LPP: variants seen among roughly 807,000 people sequenced by gnomAD.
LPP encodes the protein LIM domain containing preferred translocation partner in lipoma.
LPP carries 38 observed loss-of-function variants against 60.4 expected under a neutral mutation model. The observed-to-expected ratio is 0.63, with a 90% CI of 0.49 to 0.83. The LOEUF (loss-of-function observed/expected upper bound fraction) is 0.83. LPP is among the 40% of genes least tolerant of loss of function. The probability of loss-of-function intolerance (pLI) is 0.00; values close to 1 mark genes in which losing one functional copy is unlikely to be tolerated. For missense variants in LPP, 902 were observed against 783.6 expected (o/e 1.15, Z -1.80); for synonymous variants, 328 against 290.8 (o/e 1.13, Z -1.30).
chr3:188,562,682 C>G (rs757581096), intron 6 of LPP, among the ~76,000 whole-genome samples: 1 of 151,970 alleles, frequency 6.6e-6, no homozygotes, highest in Non-Finnish European at 1.5e-5. Context: ...CCTTTTCTCT[C>G]CCCTTCATGT....
intron 1 of LPP, among the ~76,000 whole-genome samples, chr3:188,197,050 A>G (rs1251394900): frequency 6.6e-6 from 1 of 152,230 alleles, no homozygotes; most frequent in East Asian, 1.9e-4. Context: ...CTTCAAATCA[A>G]AAATAGGTGT....
chr3:188,730,987 G>A (rs1720252540), intron 8 of LPP, among the ~76,000 whole-genome samples: 1 of 152,126 alleles, frequency 6.6e-6, no homozygotes, highest in Admixed American at 6.5e-5. Flanking sequence ...TACTTGATTA[G>A]ATATGACCCA....
intron 3 of LPP, among the ~76,000 whole-genome samples, chr3:188,404,070 A>G (rs1782855271): frequency 6.6e-6 from 1 of 152,200 alleles, no homozygotes; most frequent in Non-Finnish European, 1.5e-5. Flanking sequence ...TAAGAAAACT[A>G]TACATCAAGC....
intron 2 of LPP, among the ~76,000 whole-genome samples, chr3:188,323,103 A>G (rs967770183): frequency 6.6e-6 from 1 of 152,176 alleles, no homozygotes; most frequent in Non-Finnish European, 1.5e-5. Context: ...CGCTTGATGG[A>G]TTTGTGCTGG....
At chr3:188,309,827 TAG>T (rs1259975580) in intron 2 of LPP, among the ~76,000 whole-genome samples, 1 of 152,176 alleles carries the variant, frequency 6.6e-6, no homozygotes, top group Non-Finnish European at 1.5e-5. Context: ...AGTTGAATAT[TAG>T]AAGAACTTGG....
At chr3:188,808,022 G>T (rs1056945550) in intron 9 of LPP, among the ~76,000 whole-genome samples, 3 of 152,088 alleles carry the variant, frequency 2.0e-5, no homozygotes, top group Non-Finnish European at 4.4e-5. Context: ...GGCCTTTAGT[G>T]TGGGGTGTTT....
Position 188,890,462 on chromosome 3 carries a change from A to C in LPP, c.*15983A>C, listed in dbSNP as rs1377969023. 5.1e-6 allele frequency: 1 copy of C among 195,498 alleles called. No individual in the cohort carries two copies. The highest frequency in any genetic ancestry group is 1.1e-5 in the Non-Finnish European group (1 of 94,192). 12.1% of individuals were successfully genotyped at this position (195,498 alleles called of 1,614,324 possible). A position where few individuals can be genotyped will look rare whatever the true frequency, so the allele number is the denominator to read the frequency against. On this transcript the variant is annotated 3_prime_UTR_variant, in exon 12 of 12. Transcript: ENST00000617246. ...TAAGAGAATAAAATCTGTTATAAGC[A>C]AGTGATTTAGGTATTTTCTTTTGTG...
At chr3:188,637,326 G>T (rs148183831) in intron 7 of LPP, among the ~76,000 whole-genome samples, 170 of 152,142 alleles carry the variant, frequency 1.1e-3, no homozygotes, top group African/African-American at 4.0e-3. Context: ...GAGAACAAAG[G>T]CACAACATAC....
At chr3:188,176,072 G>A (rs1212846141) in intron 1 of LPP, among the ~76,000 whole-genome samples, 2 of 152,088 alleles carry the variant, frequency 1.3e-5, no homozygotes, top group Non-Finnish European at 2.9e-5. Flanking sequence ...GAAAGCATAA[G>A]GTTCTCAGAG....
At chr3:188,346,346 G>A (rs372223030) in intron 3 of LPP, among the ~76,000 whole-genome samples, 9 of 130,590 alleles carry the variant, frequency 6.9e-5, no homozygotes, top group Admixed American at 1.8e-4. Context: ...TGCAGCCTCC[G>A]CCTCCCAGGT....
chr3:188,588,347 C>A (rs572186880), intron 6 of LPP, among the ~76,000 whole-genome samples: 71 of 152,322 alleles, frequency 4.7e-4, no homozygotes, highest in African/African-American at 1.6e-3. Context: ...CTGTGTCCCT[C>A]CCCTGCCCTT....
intron 1 of LPP, among the ~76,000 whole-genome samples, chr3:188,223,788 C>T (rs1435786112): frequency 6.6e-6 from 1 of 152,142 alleles, no homozygotes; most frequent in Non-Finnish European, 1.5e-5. Context: ...GTAGGGACAA[C>T]CTTTTTCGTT....
At chr3:188,450,881 T>C (rs1013027261) in intron 4 of LPP, among the ~76,000 whole-genome samples, 2 of 152,100 alleles carry the variant, frequency 1.3e-5, no homozygotes, top group Non-Finnish European at 2.9e-5. Flanking sequence ...CAAAGTGAGG[T>C]AGTCATATAC....
At chr3:188,671,427 A>G (rs987333631) in intron 7 of LPP, among the ~76,000 whole-genome samples, 2 of 152,220 alleles carry the variant, frequency 1.3e-5, no homozygotes, top group Admixed American at 6.5e-5. Context: ...ATCAAACTTC[A>G]ATATTTATTT....
intron 9 of LPP, among the ~76,000 whole-genome samples, chr3:188,848,139 A>G (rs1761912047): frequency 6.6e-6 from 1 of 152,194 alleles, no homozygotes; most frequent in Admixed American, 6.5e-5. Context: ...AATTCCCTAG[A>G]TATGATTACA....
At chr3:188,719,878 C>A (rs932595189) in intron 8 of LPP, among the ~76,000 whole-genome samples, 3 of 152,100 alleles carry the variant, frequency 2.0e-5, no homozygotes, top group African/African-American at 7.2e-5. Flanking sequence ...GTTTGAACAT[C>A]TCTGGAGTTG....
At chr3:188,863,133 T>A (rs1167152366) in intron 9 of LPP, among the ~76,000 whole-genome samples, 1 of 152,198 alleles carries the variant, frequency 6.6e-6, no homozygotes, top group African/African-American at 2.4e-5. Context: ...CAGTTGTTTT[T>A]GTATATTTCT....
chr3:188,582,999 C>T (rs1206502133), intron 6 of LPP, among the ~76,000 whole-genome samples: 4 of 152,176 alleles, frequency 2.6e-5, no homozygotes, highest in South Asian at 2.1e-4. Flanking sequence ...ACCATCGCCC[C>T]AATCTATCCA....
rs1412127977 is a variant in LPP, at chr3:188,882,782, A to C, written c.*8303A>C. 5.4e-6 allele frequency: 1 copy of C among 184,744 alleles called. No individual in the cohort carries two copies. The highest frequency in any genetic ancestry group is 2.3e-5 in the African/African-American group (1 of 42,680). 11.4% of individuals were successfully genotyped at this position (184,744 alleles called of 1,614,324 possible). ...GAGACGGAGTCTTGCTCTGTCGCCCAGGCTGGAGTGCAGTGGCGCAATCTC... is the reference window on the plus strand; with the variant it reads ...GAGACGGAGTCTTGCTCTGTCGCCCCGGCTGGAGTGCAGTGGCGCAATCTC... On this transcript the variant is annotated 3_prime_UTR_variant, in exon 12 of 12. Transcript: ENST00000617246.
Sources: gnomAD v4.1 joint callset for allele counts (sites outside exome capture counted in the v4.1 genomes callset) on GRCh38, gnomAD v4.1.1 for gene constraint, MANE v1.5 for transcripts, NCBI Gene and HGNC (gene_info 2026-07-23, HGNC 2026-07-21) for gene names.